The following CRY2 variants were observed in gnomAD, a reference collection of about 807,000 sequenced individuals.
CRY2 encodes cryptochrome circadian regulator 2.
In CRY2, 31 loss-of-function variants were observed where a neutral mutation model predicts 69.5. That is an observed-to-expected ratio of 0.45 (90% confidence interval 0.34 to 0.60). The LOEUF (loss-of-function observed/expected upper bound fraction) is 0.60. CRY2 is among the 20% of genes least tolerant of loss of function. The pLI is 0.02. For synonymous variants in CRY2, 303 were observed against 312.2 expected (o/e 0.97, Z 0.31); for missense variants, 606 against 797.8 (o/e 0.76, Z 2.90).
rs1590765292 is a variant in CRY2, at chr11:45,861,138, G to A, written c.652+106G>A. The A allele has an allele frequency of 5.3e-6, 7 of 1,332,570 alleles. No homozygotes were observed. In the Admixed American group the frequency reaches 8.1e-5, roughly 15 times the overall value. The allele number at this position is 1,332,570 out of a possible 1,614,324, so 82.5% of individuals were successfully genotyped here. A position where few individuals can be genotyped will look rare whatever the true frequency, so the allele number is the denominator to read the frequency against. ...ATTATAGAAAGGTTAGAAAGCACAG[G>A]AAAACAAAAATGGAAATGGCAGTCA... is the stretch of plus-strand genomic sequence containing the variant. On this transcript the variant is annotated intron_variant, in intron 4 of 11. Coordinates refer to ENST00000616080, the MANE Select transcript of CRY2 (RefSeq NM_021117.5).
chr11:45,847,381 C>A (rs1240454569), upstream of CRY2: 1 of 1,586,102 alleles, frequency 6.3e-7, no homozygotes, highest in Non-Finnish European at 8.6e-7. Flanking sequence ...GCCCTGTGGG[C>A]GGGGACTAAG....
Position 45,854,375 on chromosome 11 carries a change from A to G in CRY2, c.216-1607A>G, listed in dbSNP as rs138617810. Reference sequence around the variant, plus strand: ...GCCCCTGGAACAGAGTTGGTGTGCAACTAGAAATCTTTAGAAATGGGGCAC... The same window carrying G: ...GCCCCTGGAACAGAGTTGGTGTGCAGCTAGAAATCTTTAGAAATGGGGCAC... On this transcript the variant is annotated intron_variant, in intron 1 of 11. Transcript: ENST00000616080. Among the ~76,000 whole-genome samples the G allele has an allele frequency of 1.6e-3, 245 of 152,324 alleles. 1 individual carries two copies. Among genetic ancestry groups the G allele is most frequent in the African/African-American group, 5.8e-3 (240 of 41,572 alleles).
intron 1 of CRY2, among the ~76,000 whole-genome samples, chr11:45,853,809 A>G (rs973727547): frequency 3.3e-5 from 5 of 152,254 alleles, no homozygotes. Flanking sequence ...CAAGTGACGC[A>G]CTTGCAGCTC....
intron 11 of CRY2, among the ~76,000 whole-genome samples, chr11:45,880,535 A>G (rs2086463194): frequency 6.6e-6 from 1 of 151,976 alleles, no homozygotes; most frequent in South Asian, 2.1e-4. Flanking sequence ...TTTTTTCCTG[A>G]TTCTCCATCT....
At position 45,881,469 on chromosome 11, in the gene CRY2, C is replaced by A. The variant is rs1194496273; in HGVS notation, c.*558C>A. ...AGACGTAGCCACCTGGCCTCTGTTT[C>A]TTATTTTAAAATTCTCTGCTACTGG... On this transcript the variant is annotated 3_prime_UTR_variant, in exon 12 of 12. Coordinates refer to ENST00000616080, the MANE Select transcript of CRY2 (RefSeq NM_021117.5). 2.6e-5 allele frequency: 4 copies of A among 152,528 alleles called. No individual in the cohort carries two copies. Among genetic ancestry groups the A allele is most frequent in the Non-Finnish European group, 5.9e-5 (4 of 68,090 alleles). 9.4% of individuals were successfully genotyped at this position (152,528 alleles called of 1,614,324 possible). A position where few individuals can be genotyped will look rare whatever the true frequency, so the allele number is the denominator to read the frequency against.
At chr11:45,878,958 G>A (rs530917094) in intron 11 of CRY2, among the ~76,000 whole-genome samples, 30 of 144,366 alleles carry the variant, frequency 2.1e-4, no homozygotes, top group South Asian at 2.2e-4. Context: ...AGTCGGGCTC[G>A]GTGGCTCACT....
At position 45,878,849 on chromosome 11, in the gene CRY2, G is replaced by C. The variant is rs11038701; in HGVS notation, c.*3-2065G>C. ...CAGGAGAATTGCTTGAACCCAGGAGGCAGAAGTTGCAGTGAGCCAAGATCG... is the reference window on the plus strand; with the variant it reads ...CAGGAGAATTGCTTGAACCCAGGAGCCAGAAGTTGCAGTGAGCCAAGATCG... On this transcript the variant is annotated intron_variant, in intron 11 of 11. Coordinates refer to ENST00000616080, the MANE Select transcript of CRY2 (RefSeq NM_021117.5). Among the ~76,000 whole-genome samples the C allele has an allele frequency of 1.3e-3, 188 of 149,304 alleles. 3 individuals are homozygous for C. Among genetic ancestry groups the C allele is most frequent in the African/African-American group, 4.5e-3 (182 of 40,136 alleles).
At chr11:45,870,774 C>T (rs868308881) in intron 9 of CRY2, 68 bp from the exon 10 acceptor site, 1 of 1,394,770 alleles carries the variant, frequency 7.2e-7, no homozygotes, top group Non-Finnish European at 1.0e-6. Flanking sequence ...CCACTTGCTT[C>T]ATCCTGCCCT....
At chr11:45,847,461 G>GC, upstream of CRY2, 1 of 1,597,016 alleles carries the variant, frequency 6.3e-7, no homozygotes, top group South Asian at 1.1e-5. Context: ...CCGGGGCGGA[G>GC]CGGGGGTGGC....
intron 10 of CRY2, among the ~76,000 whole-genome samples, chr11:45,871,599 G>A (rs2086383593): frequency 6.6e-6 from 1 of 152,230 alleles, no homozygotes; most frequent in Non-Finnish European, 1.5e-5. Flanking sequence ...TGGCCGCAAG[G>A]AGAAAGACTG....
Position 45,847,632 on chromosome 11 carries a change from C to T in CRY2, c.142C>T (p.Arg48Cys). 1 of 1,599,572 alleles carries T rather than the reference C, an allele frequency of 6.3e-7. No individual in the cohort carries two copies. The change falls in exon 1 of 12, where the codon CGC (arginine) becomes TGC (cysteine). Residue 48 changes from arginine to cysteine, a missense_variant. Around this residue, in one of 5 missense-constraint regions of CRY2, gnomAD observed 382 missense variants for 508.9 expected, o/e 0.75. Coordinates refer to ENST00000616080, the MANE Select transcript of CRY2 (RefSeq NM_021117.5). ...PALLAAVRGARCVRCVYILDP... is the reference protein window; with the variant it reads ...PALLAAVRGACCVRCVYILDP... ...GTTGCTGGCGGCCGTGCGCGGGGCG[C>T]GCTGCGTGCGCTGCGTTTACATTCT... is the stretch of plus-strand genomic sequence containing the variant.
In CRY2 at chr11:45,867,724, A is replaced by G; in HGVS notation, c.854A>G (p.Tyr285Cys). The change falls in exon 6 of 12, where the codon TAC (tyrosine) becomes TGC (cysteine). Residue 285 changes from tyrosine to cysteine, a missense_variant. Coordinates refer to ENST00000616080, the MANE Select transcript of CRY2 (RefSeq NM_021117.5). ...RFGCLSCRLF[Y>C]YRLWDLYKKV... Reference sequence around the variant, plus strand: ...GGTTGTCTCTCCTGCCGCCTCTTCTACTACCGCCTGTGGGACCTGTATAAA... The same window carrying G: ...GGTTGTCTCTCCTGCCGCCTCTTCTGCTACCGCCTGTGGGACCTGTATAAA... The G allele has an allele frequency of 3.1e-6, 5 of 1,614,148 alleles. No individual in the cohort carries two copies. Among genetic ancestry groups the G allele is most frequent in the Non-Finnish European group, 4.2e-6 (5 of 1,180,026 alleles).
At chr11:45,860,241 G>A (rs72902436) in intron 3 of CRY2, among the ~76,000 whole-genome samples, 29,306 of 151,972 alleles carry the variant, frequency 0.19, 3,111 homozygotes, top group Non-Finnish European at 0.24. Context: ...TATCAGTTGT[G>A]GCTATGAACT....
chr11:45,878,696 G>T (rs1276232368), intron 11 of CRY2, among the ~76,000 whole-genome samples: 1 of 152,094 alleles, frequency 6.6e-6, no homozygotes, highest in African/African-American at 2.4e-5. Flanking sequence ...GCTGAGGGGG[G>T]CGGATCACCT....
At chr11:45,847,378 G>A (rs2086157420), upstream of CRY2, 1 of 1,599,470 alleles carries the variant, frequency 6.3e-7, no homozygotes, top group Non-Finnish European at 8.5e-7. Flanking sequence ...GGGGCCCTGT[G>A]GGCGGGGACT....
intron 2 of CRY2, among the ~76,000 whole-genome samples, chr11:45,857,892 CAGGGCTG>C (rs2086254740): frequency 6.6e-6 from 1 of 152,230 alleles, no homozygotes; most frequent in South Asian, 2.1e-4. Context: ...AGTCCCCGGG[CAGGGCTG>C]AGTCAGGACC....
chr11:45,858,906 A>G, intron 3 of CRY2, 33 bp downstream of exon 3: 2 of 1,603,526 alleles, frequency 1.2e-6, no homozygotes, highest in East Asian at 4.5e-5. Flanking sequence ...CAGGTTACCA[A>G]TTGTGAGAGT....
rs1469319978 is a variant in CRY2, at chr11:45,883,009, A to T, written c.*2098A>T. The T allele has an allele frequency of 3.2e-6, 1 of 316,046 alleles. No individual in the cohort carries two copies. The highest frequency in any genetic ancestry group is 5.8e-6 in the Non-Finnish European group (1 of 173,788). 19.6% of individuals were successfully genotyped at this position (316,046 alleles called of 1,614,324 possible). A position where few individuals can be genotyped will look rare whatever the true frequency, so the allele number is the denominator to read the frequency against. ...GAGGGAAGGGCAGGGTAGAGAGGGTATGTCCAGTAGCCTGGAGCTCCATGG... is the reference window on the plus strand; with the variant it reads ...GAGGGAAGGGCAGGGTAGAGAGGGTTTGTCCAGTAGCCTGGAGCTCCATGG... On this transcript the variant is annotated 3_prime_UTR_variant, in exon 12 of 12. Transcript: ENST00000616080.
intron 1 of CRY2, among the ~76,000 whole-genome samples, chr11:45,848,811 G>T (rs1041570869): frequency 5.9e-5 from 9 of 152,270 alleles, no homozygotes; most frequent in African/African-American, 2.2e-4. Flanking sequence ...TTCTCTCCAA[G>T]GTGTGTGCCC....
Sources: gnomAD v4.1 joint callset for allele counts (sites outside exome capture counted in the v4.1 genomes callset) on GRCh38, gnomAD v4.1.1 for gene constraint, gnomAD v4.1.1 regional missense constraint, MANE v1.5 for transcripts, NCBI Gene and HGNC (gene_info 2026-07-23, HGNC 2026-07-21) for gene names.